The following MTMR1 variants were observed in gnomAD, a reference collection of about 807,000 sequenced individuals.
The protein encoded by MTMR1 is phosphatidylinositol-3-phosphate phosphatase MTMR1.
A neutral mutation model predicts 51.6 loss-of-function variants in MTMR1; 17 were observed. That is an observed-to-expected ratio of 0.33 (90% CI 0.23 to 0.49). The LOEUF is 0.49. MTMR1 is among the 20% of genes least tolerant of loss of function. The pLI, the probability that MTMR1 is intolerant of heterozygous loss-of-function variation, is 0.99. For missense variants in MTMR1, 386 were observed against 526.9 expected (o/e 0.73, Z 2.62); for synonymous variants, 201 against 205.6 (o/e 0.98, Z 0.19).
intron 12 of MTMR1, among the ~76,000 whole-genome samples, chrX:150,740,530 C>T (rs1225342738): frequency 9.0e-6 from 1 of 110,998 alleles, no homozygotes; most frequent in Non-Finnish European, 1.9e-5. Context: ...CTCAGCCAGT[C>T]CCATAACTTT....
intron 10 of MTMR1, 173 bp from the exon 11 acceptor site, chrX:150,736,422 G>A (rs961132435): frequency 2.4e-6 from 1 of 415,306 alleles, no homozygotes; most frequent in Non-Finnish European, 4.1e-6. Flanking sequence ...GTTGTTTTAA[G>A]CCACTGAGTT....
chrX:150,733,813 C>T (rs2042187605), intron 10 of MTMR1, among the ~76,000 whole-genome samples: 1 of 111,518 alleles, frequency 9.0e-6, no homozygotes, highest in Non-Finnish European at 1.9e-5. Context: ...GGGCACAGTA[C>T]ATGATGCTGA....
Position 150,737,375 on chromosome X carries a change from A to G in MTMR1, c.1400A>G (p.Tyr467Cys). 8.3e-7 allele frequency: 1 copy of G among 1,211,798 alleles called. No homozygotes were observed. The highest frequency in any genetic ancestry group is 1.1e-6 in the Non-Finnish European group (1 of 895,422). ...TSLAMLMLDS[Y>C]YRTIKGFETL... ...CTGGCTATGCTAATGTTGGACAGTT[A>G]CTACAGGACCATTAAAGGATTTGAA... Residue 467 changes from tyrosine (Y) to cysteine (C), a missense_variant, in exon 12 of 16, where the codon TAC becomes TGC. Transcript: ENST00000445323.
intron 1 of MTMR1, among the ~76,000 whole-genome samples, chrX:150,698,637 G>A (rs2040770968): frequency 1.9e-5 from 2 of 106,435 alleles, no homozygotes; most frequent in Non-Finnish European, 3.9e-5. Flanking sequence ...AGGAATTCGA[G>A]ACTAGCCTGG....
chrX:150,744,750 G>C (rs1309089554), intron 13 of MTMR1, among the ~76,000 whole-genome samples: 1 of 111,969 alleles, frequency 8.9e-6, no homozygotes, highest in Non-Finnish European at 1.9e-5. Context: ...AAAAGGTTAA[G>C]GAAGTACAGT....
intron 13 of MTMR1, among the ~76,000 whole-genome samples, chrX:150,747,656 A>C (rs1333790828): frequency 5.4e-5 from 6 of 111,542 alleles, no homozygotes; most frequent in African/African-American, 1.3e-4. Context: ...AGTTGAGCTT[A>C]ATGCCATGAC....
At chrX:150,694,411 G>T (rs1000049760) in intron 1 of MTMR1, among the ~76,000 whole-genome samples, 1 of 111,646 alleles carries the variant, frequency 9.0e-6, no homozygotes, top group Non-Finnish European at 1.9e-5. Context: ...CTCCTCCGAC[G>T]ACAAGAGATG....
rs782683717 is a variant in MTMR1 at position 150,737,499 on chromosome X, G to T, written c.1473+51G>T. The T allele has an allele frequency of 2.1e-5, 22 of 1,048,217 alleles. No homozygotes were observed. In the Middle Eastern group the frequency reaches 1.2e-3, roughly 60 times the overall value. 86.4% of individuals were successfully genotyped at this position (1,048,217 alleles called of 1,213,427 possible). On this transcript the variant is annotated intron_variant, in intron 12 of 15. Transcript: ENST00000445323. Reference sequence around the variant, plus strand: ...CTGGACTGTTTTGCGGTATCATATGGATGTAAACGTCATGTGTGACACACG... The same window carrying T: ...CTGGACTGTTTTGCGGTATCATATGTATGTAAACGTCATGTGTGACACACG...
Position 150,693,639 on chromosome X carries a change from G to T in MTMR1, c.109G>T (p.Ala37Ser). Reference protein sequence around the residue: ...RPPRAAGGATAGSRQPSVETL... With the variant: ...RPPRAAGGATSGSRQPSVETL... ...TCCTCGGGCCGCGGGGGGCGCCACC[G>T]CCGGCTCCCGGCAGCCCAGCGTGGA... The change falls in exon 1 of 16, where the codon GCC (alanine) becomes TCC (serine). Residue 37 changes from alanine to serine, a missense_variant. Coordinates refer to ENST00000445323, the MANE Select transcript of MTMR1 (RefSeq NM_001306144.3). 1.1e-5 allele frequency: 8 copies of T among 756,419 alleles called. No homozygotes were observed. Among genetic ancestry groups the T allele is most frequent in the Non-Finnish European group, 1.2e-5 (8 of 641,701 alleles). The allele number at this position is 756,419 out of a possible 1,213,427, so 62.3% of individuals were successfully genotyped here.
chrX:150,753,361 G>A (rs1442374325), intron 14 of MTMR1, among the ~76,000 whole-genome samples: 1 of 112,088 alleles, frequency 8.9e-6, no homozygotes, highest in Non-Finnish European at 1.9e-5. Context: ...TGGAATTGCC[G>A]GGTCATGTGG....
chrX:150,739,431 C>CG (rs2042364914), intron 12 of MTMR1, among the ~76,000 whole-genome samples: 1 of 112,700 alleles, frequency 8.9e-6, no homozygotes, highest in East Asian at 2.8e-4. Flanking sequence ...TGTGTGGAAT[C>CG]TTTCCAGATG....
At chrX:150,695,516 C>T (rs781971650) in intron 1 of MTMR1, among the ~76,000 whole-genome samples, 310 of 111,759 alleles carry the variant, frequency 2.8e-3, no homozygotes, top group African/African-American at 9.5e-3. Context: ...ATGGGGTTTG[C>T]TGAAGATTGG....
intron 4 of MTMR1, among the ~76,000 whole-genome samples, chrX:150,720,588 C>A (rs2041713853): frequency 8.9e-6 from 1 of 111,838 alleles, no homozygotes; most frequent in South Asian, 3.7e-4. Flanking sequence ...CTGCTGTGAA[C>A]ACTAATGTAC....
At chrX:150,722,933 T>C (rs1359427465) in intron 4 of MTMR1, among the ~76,000 whole-genome samples, 1 of 108,833 alleles carries the variant, frequency 9.2e-6, no homozygotes, top group Non-Finnish European at 1.9e-5. Flanking sequence ...ACATGTGCCA[T>C]GCTGGTGTGC....
chrX:150,741,009 T>C (rs4828777), intron 12 of MTMR1, among the ~76,000 whole-genome samples: 53,626 of 110,591 alleles, frequency 0.48, 9,447 homozygotes, highest in East Asian at 0.72. Flanking sequence ...ACCTCCAACA[T>C]TGGGGATCAA....
chrX:150,746,103 C>A (rs1285885160), intron 13 of MTMR1, among the ~76,000 whole-genome samples: 1 of 112,308 alleles, frequency 8.9e-6, no homozygotes, highest in Non-Finnish European at 1.9e-5. Context: ...GGTCACAGAT[C>A]ACATTTTCAG....
At chrX:150,733,345 T>C (rs977186176) in intron 10 of MTMR1, among the ~76,000 whole-genome samples, 1 of 111,007 alleles carries the variant, frequency 9.0e-6, no homozygotes, top group African/African-American at 3.3e-5. Flanking sequence ...GGGTCCTCTT[T>C]GCTCTACACA....
At chrX:150,728,160 C>T (rs1557416845) in intron 6 of MTMR1, among the ~76,000 whole-genome samples, 1 of 112,025 alleles carries the variant, frequency 8.9e-6, no homozygotes, top group East Asian at 2.8e-4. Flanking sequence ...CTTATAATAA[C>T]TAATACAGTG....
intron 4 of MTMR1, among the ~76,000 whole-genome samples, chrX:150,722,066 C>G (rs1056636818): frequency 9.0e-6 from 1 of 111,363 alleles, no homozygotes; most frequent in Non-Finnish European, 1.9e-5. Flanking sequence ...AAATTTTCTT[C>G]GATTATTGAG....
Sources: allele counts gnomAD v4.1 joint callset (sites outside exome capture counted in the v4.1 genomes callset), GRCh38; gene constraint gnomAD v4.1.1; transcripts MANE v1.5; gene names NCBI Gene and HGNC (gene_info 2026-07-23, HGNC 2026-07-21).